The following ASIC2 variants were observed in gnomAD, a reference collection of about 807,000 sequenced individuals.
ASIC2 encodes the protein acid sensing ion channel subunit 2.
ASIC2 carries 25 observed loss-of-function variants against 57.3 expected under a neutral mutation model. That is an observed-to-expected ratio of 0.44 (90% confidence interval 0.32 to 0.61). The LOEUF (loss-of-function observed/expected upper bound fraction) is 0.61. ASIC2 is among the 20% of genes least tolerant of loss of function. The pLI, the probability that ASIC2 is intolerant of heterozygous loss-of-function variation, is 0.06. For missense variants in ASIC2, 641 were observed against 738.1 expected (o/e 0.87, Z 1.52); for synonymous variants, 319 against 307.5 (o/e 1.04, Z -0.39).
intron 1 of ASIC2, among the ~76,000 whole-genome samples, chr17:34,107,903 A>G (rs1911118744): frequency 6.6e-6 from 1 of 152,148 alleles, no homozygotes; most frequent in African/African-American, 2.4e-5. Context: ...GAAAATACGT[A>G]ATTAGAAAAG....
intron 1 of ASIC2, among the ~76,000 whole-genome samples, chr17:33,961,213 C>G (rs1446843964): frequency 6.6e-6 from 1 of 152,200 alleles, no homozygotes; most frequent in Admixed American, 6.5e-5. Flanking sequence ...AAGAGACACC[C>G]AAGCCCATGA....
chr17:33,451,646 C>T (rs1342697564), intron 1 of ASIC2, among the ~76,000 whole-genome samples: 1 of 152,138 alleles, frequency 6.6e-6, no homozygotes, highest in Non-Finnish European at 1.5e-5. Context: ...ATCCCTTATG[C>T]CCTCTCTTTC....
chr17:33,866,245 A>G (rs1914234406), intron 1 of ASIC2, among the ~76,000 whole-genome samples: 1 of 152,212 alleles, frequency 6.6e-6, no homozygotes, highest in Non-Finnish European at 1.5e-5. Context: ...TCTTAGTTAT[A>G]TACCTAGGAG....
intron 1 of ASIC2, among the ~76,000 whole-genome samples, chr17:33,689,906 A>C (rs2142062980): frequency 6.6e-6 from 1 of 152,338 alleles, no homozygotes; most frequent in Middle Eastern, 3.4e-3. Context: ...AAGGCAAGGA[A>C]GATTTCTACC....
chr17:34,060,045 A>C (rs1327106524), intron 1 of ASIC2, among the ~76,000 whole-genome samples: 2 of 152,182 alleles, frequency 1.3e-5, no homozygotes, highest in Non-Finnish European at 2.9e-5. Flanking sequence ...ACCAGCACAA[A>C]AATAGAGCAT....
intron 1 of ASIC2, among the ~76,000 whole-genome samples, chr17:33,907,894 G>A (rs1433439996): frequency 2.0e-5 from 3 of 152,152 alleles, no homozygotes; most frequent in African/African-American, 7.2e-5. Flanking sequence ...TTGATAATGG[G>A]CCACAGTGGG....
intron 1 of ASIC2, among the ~76,000 whole-genome samples, chr17:33,863,909 T>TTTG (rs1555567735): frequency 1.9e-3 from 247 of 128,324 alleles, no homozygotes; most frequent in East Asian, 0.013. Flanking sequence ...TGTTTTTTTT[T>TTTG]TTTTTGTTTT....
At chr17:33,601,103 T>C (rs1905106414) in intron 1 of ASIC2, among the ~76,000 whole-genome samples, 1 of 152,150 alleles carries the variant, frequency 6.6e-6, no homozygotes, top group African/African-American at 2.4e-5. Context: ...ATGGGATTTA[T>C]AATTAAAAGG....
chr17:33,210,665 G>A (rs551602441), intron 1 of ASIC2, among the ~76,000 whole-genome samples: 1 of 152,316 alleles, frequency 6.6e-6, no homozygotes, highest in Non-Finnish European at 1.5e-5. Context: ...CTACTTAGCA[G>A]GGAATATGGG....
chr17:33,990,825 A>T (rs901263926), intron 1 of ASIC2, among the ~76,000 whole-genome samples: 2 of 152,240 alleles, frequency 1.3e-5, no homozygotes, highest in Non-Finnish European at 1.5e-5. Flanking sequence ...AAACACTAAC[A>T]TCTCTCCCAC....
chr17:33,784,048 G>T (rs1236628182), intron 1 of ASIC2, among the ~76,000 whole-genome samples: 1 of 152,160 alleles, frequency 6.6e-6, no homozygotes, highest in Admixed American at 6.5e-5. Flanking sequence ...AGCTCAGGGG[G>T]GCCTGGAGTC....
chr17:34,025,326 A>G (rs1907333608), intron 1 of ASIC2, among the ~76,000 whole-genome samples: 1 of 151,186 alleles, frequency 6.6e-6, no homozygotes, highest in African/African-American at 2.5e-5. Context: ...TTTACTGAGC[A>G]CTTGCTGTGT....
chr17:34,037,718 A>G (rs1161205471), intron 1 of ASIC2: 14 of 1,614,136 alleles, frequency 8.7e-6, no homozygotes, highest in Middle Eastern at 3.3e-4. Flanking sequence ...GTGAGGCAAC[A>G]AGTAGGGATC....
chr17:34,053,644 A>G (rs1908651487), intron 1 of ASIC2, among the ~76,000 whole-genome samples: 1 of 152,244 alleles, frequency 6.6e-6, no homozygotes, highest in Non-Finnish European at 1.5e-5. Flanking sequence ...AATTTCAAAT[A>G]AACATTTGGT....
intron 1 of ASIC2, among the ~76,000 whole-genome samples, chr17:33,318,875 G>A (rs1906759426): frequency 1.3e-5 from 2 of 152,206 alleles, no homozygotes; most frequent in Admixed American, 1.3e-4. Flanking sequence ...GAGAGCTGAT[G>A]ATTAGGGAAG....
Position 33,334,433 on chromosome 17 carries a change from G to A in ASIC2, c.556-222366C>T, listed in dbSNP as rs148705840. ...CTCTTCTCCTACTTCTCTCTGCAGC[G>A]GCTTCAGGTGTGGGAAGAGCATCCT... On this transcript the variant is annotated intron_variant, in intron 1 of 9. Transcript: ENST00000359872. 1.4e-3 allele frequency among the ~76,000 whole-genome samples: 219 copies of A among 152,246 alleles called. 2 individuals carry two copies. Among genetic ancestry groups the A allele is most frequent in the African/African-American group, 4.9e-3 (204 of 41,546 alleles).
At chr17:33,260,051 T>C (rs901092487) in intron 1 of ASIC2, among the ~76,000 whole-genome samples, 4 of 152,062 alleles carry the variant, frequency 2.6e-5, no homozygotes, top group Non-Finnish European at 4.4e-5. Context: ...GGTAGGAGGA[T>C]TGCTTGAGCC....
intron 1 of ASIC2, among the ~76,000 whole-genome samples, chr17:34,048,443 C>A (rs1908420904): frequency 6.6e-6 from 1 of 152,116 alleles, no homozygotes; most frequent in African/African-American, 2.4e-5. Context: ...GGAATGAATC[C>A]TAGATGCTCA....
At chr17:33,486,125 C>T (rs906766599) in intron 1 of ASIC2, among the ~76,000 whole-genome samples, 4 of 152,202 alleles carry the variant, frequency 2.6e-5, no homozygotes, top group Admixed American at 2.0e-4. Context: ...GCTCCTAGAA[C>T]GTCTCTCATC....
Sources: gnomAD v4.1 joint callset for allele counts (sites outside exome capture counted in the v4.1 genomes callset) on GRCh38, gnomAD v4.1.1 for gene constraint, MANE v1.5 for transcripts, NCBI Gene and HGNC (gene_info 2026-07-23, HGNC 2026-07-21) for gene names.